Variants in TRPM3 observed in about 807,000 individuals in gnomAD.
TRPM3 encodes transient receptor potential cation channel subfamily M member 3.
In TRPM3, 77 loss-of-function variants were observed where a neutral mutation model predicts 181.2. That is an observed-to-expected ratio of 0.42 (90% CI 0.35 to 0.51). TRPM3 has a LOEUF of 0.51. TRPM3 is among the 20% of genes least tolerant of loss of function. The probability of loss-of-function intolerance (pLI) is 0.01; values close to 1 mark genes in which losing one functional copy is unlikely to be tolerated. For missense variants in TRPM3, 1,759 were observed against 2,196.7 expected (o/e 0.80, Z 3.98); for synonymous variants, 745 against 796.4 (o/e 0.94, Z 1.09).
At chr9:71,173,606 G>T (rs1331645703) in intron 1 of TRPM3, among the ~76,000 whole-genome samples, 2 of 152,190 alleles carry the variant, frequency 1.3e-5, no homozygotes, top group East Asian at 3.9e-4. Context: ...ATTGAGGGAG[G>T]TGCATGAATT....
chr9:71,220,282 A>C (rs2080154289), intron 1 of TRPM3, among the ~76,000 whole-genome samples: 1 of 152,120 alleles, frequency 6.6e-6, no homozygotes, highest in African/African-American at 2.4e-5. Flanking sequence ...TAGAATAGTT[A>C]GTAGATGTCA....
chr9:70,795,384 A>C (rs1052040557), intron 6 of TRPM3, among the ~76,000 whole-genome samples: 2 of 152,236 alleles, frequency 1.3e-5, no homozygotes, highest in African/African-American at 4.8e-5. Flanking sequence ...GCTTATACAA[A>C]GTTTCTCGTT....
At chr9:71,284,538 G>C (rs764884030) in intron 1 of TRPM3, among the ~76,000 whole-genome samples, 1 of 152,118 alleles carries the variant, frequency 6.6e-6, no homozygotes, top group Non-Finnish European at 1.5e-5. Context: ...ACGCAGTACT[G>C]TTATATTAGC....
At chr9:71,341,261 G>A (rs1345010069) in intron 1 of TRPM3, among the ~76,000 whole-genome samples, 1 of 152,098 alleles carries the variant, frequency 6.6e-6, no homozygotes, top group Non-Finnish European at 1.5e-5. Flanking sequence ...GCAGAAACAG[G>A]CTATTTGCAT....
At chr9:70,987,910 T>C (rs966663133) in intron 1 of TRPM3, among the ~76,000 whole-genome samples, 1 of 152,154 alleles carries the variant, frequency 6.6e-6, no homozygotes, top group Non-Finnish European at 1.5e-5. Context: ...ATTCCAACTA[T>C]AGTATACAAC....
intron 1 of TRPM3, among the ~76,000 whole-genome samples, chr9:71,266,832 T>A (rs2083425601): frequency 6.6e-6 from 1 of 152,134 alleles, no homozygotes; most frequent in Admixed American, 6.6e-5. Flanking sequence ...TTTCACTATT[T>A]TAGATACCTC....
intron 9 of TRPM3, among the ~76,000 whole-genome samples, chr9:70,653,938 T>G (rs1485203115): frequency 6.6e-6 from 1 of 152,188 alleles, no homozygotes; most frequent in Admixed American, 6.5e-5. Flanking sequence ...ATTGTATGAT[T>G]TGACCTCTTT....
At chr9:70,780,378 T>C (rs1460484980) in intron 7 of TRPM3, among the ~76,000 whole-genome samples, 1 of 152,224 alleles carries the variant, frequency 6.6e-6, no homozygotes. Context: ...TATCCAATTC[T>C]ATTTGTACAA....
intron 8 of TRPM3, among the ~76,000 whole-genome samples, chr9:70,749,382 G>C (rs1012697501): frequency 2.0e-5 from 3 of 152,072 alleles, no homozygotes; most frequent in Admixed American, 6.6e-5. Flanking sequence ...CCAAGATATA[G>C]TCTAGGAATT....
chr9:70,820,814 T>C (rs2093103188), intron 6 of TRPM3, among the ~76,000 whole-genome samples: 1 of 152,098 alleles, frequency 6.6e-6, no homozygotes, highest in African/African-American at 2.4e-5. Flanking sequence ...TACGGTAACT[T>C]GCCCAAGGTC....
intron 8 of TRPM3, among the ~76,000 whole-genome samples, chr9:70,742,571 A>G (rs1257130731): frequency 6.6e-6 from 1 of 152,130 alleles, no homozygotes; most frequent in Non-Finnish European, 1.5e-5. Context: ...ATCTCTCTCT[A>G]TCCTTCCCTT....
chr9:71,187,889 TGATAGATA>T (rs5898183), intron 1 of TRPM3, among the ~76,000 whole-genome samples: 26,752 of 145,902 alleles, frequency 0.18, 2,620 homozygotes, highest in Middle Eastern at 0.27. Flanking sequence ...GGCAGACAGA[TGATAGATA>T]GATAGATAGA....
At chr9:71,012,407 G>GC (rs1554799889) in intron 1 of TRPM3, among the ~76,000 whole-genome samples, 1 of 140,756 alleles carries the variant, frequency 7.1e-6, no homozygotes, top group African/African-American at 2.6e-5. Context: ...CTTTATAGTT[G>GC]TTTTTTTTTT....
chr9:70,761,868 G>A (rs1380574396), intron 7 of TRPM3, 144 bp from the exon 8 acceptor site: 17 of 949,378 alleles, frequency 1.8e-5, no homozygotes, highest in Admixed American at 6.9e-5. Context: ...AAGGTATCCC[G>A]CCTGTGATAA....
chr9:71,329,208 CTTAA>C (rs1367813259), intron 1 of TRPM3, among the ~76,000 whole-genome samples: 2 of 152,208 alleles, frequency 1.3e-5, no homozygotes, highest in Non-Finnish European at 2.9e-5. Flanking sequence ...TGTAGCTATG[CTTAA>C]TTATCAACCG....
Position 70,625,170 on chromosome 9 carries a change from C to G in TRPM3, c.1809+21G>C. ...ACCCTAGTCCTCCCAGGAAGGGCCC[C>G]GAATTTGCAGCCAGCCTCACCCTCT... is the stretch of plus-strand genomic sequence containing the variant. On this transcript the variant is annotated intron_variant, in intron 14 of 25. Transcript: ENST00000677713. The surrounding 1 kb of genome is among the most constrained non-coding windows in gnomAD (Gnocchi z 4.8). 6.2e-7 allele frequency: 1 copy of G among 1,613,486 alleles called. No individual in the cohort carries two copies. Among genetic ancestry groups the G allele is most frequent in the Non-Finnish European group, 8.5e-7 (1 of 1,179,702 alleles).
intron 1 of TRPM3, among the ~76,000 whole-genome samples, chr9:71,345,554 A>G (rs187448526): frequency 6.6e-6 from 1 of 152,114 alleles, no homozygotes; most frequent in Admixed American, 6.5e-5. Context: ...ATACATGGAC[A>G]CAGAGAGGGG....
At chr9:70,667,315 T>G (rs996874480) in intron 9 of TRPM3, among the ~76,000 whole-genome samples, 1 of 152,142 alleles carries the variant, frequency 6.6e-6, no homozygotes, top group South Asian at 2.1e-4. Flanking sequence ...CTTTAGGTCT[T>G]ATTTCTTGGG....
At chr9:71,026,903 G>A (rs1316331848) in intron 1 of TRPM3, among the ~76,000 whole-genome samples, 1 of 152,162 alleles carries the variant, frequency 6.6e-6, no homozygotes, top group Non-Finnish European at 1.5e-5. Context: ...TGCCACCACA[G>A]ATGCTGCATG....
Sources: gnomAD v4.1 joint callset for allele counts (sites outside exome capture counted in the v4.1 genomes callset) on GRCh38, gnomAD v4.1.1 for gene constraint, Gnocchi (gnomAD v3.1) non-coding constraint, MANE v1.5 for transcripts, NCBI Gene and HGNC (gene_info 2026-07-23, HGNC 2026-07-21) for gene names.